MCC: variants seen among roughly 807,000 people sequenced by gnomAD.
MCC encodes the protein MCC regulator of Wnt signaling pathway.
In MCC, 90 loss-of-function variants were observed where a neutral mutation model predicts 116.2. That is an observed-to-expected ratio of 0.77 (90% CI 0.65 to 0.92). The LOEUF (loss-of-function observed/expected upper bound fraction) is 0.92, where lower values mean the gene tolerates loss of function less well. MCC is among the 40% of genes least tolerant of loss of function. The probability of loss-of-function intolerance (pLI) is 0.00; values close to 1 mark genes in which losing one functional copy is unlikely to be tolerated. For synonymous variants in MCC, 578 were observed against 510.5 expected, an observed-to-expected ratio of 1.13 and a Z score of -1.78; for missense variants, 1,516 against 1,312.2, an observed-to-expected ratio of 1.16 and a Z score of -2.40.
chr5:113,327,586 A>ATATATATATATATATATATAT (rs1561525256), intron 3 of MCC, among the ~76,000 whole-genome samples: 13 of 113,018 alleles, frequency 1.2e-4, no homozygotes, highest in Non-Finnish European at 1.7e-4. Context: ...ATATATATAT[A>ATATATATATATATATATATAT]AAAATCTCAT....
At chr5:113,125,642 T>A (rs1289101985) in intron 5 of MCC, among the ~76,000 whole-genome samples, 1 of 152,194 alleles carries the variant, frequency 6.6e-6, no homozygotes, top group Non-Finnish European at 1.5e-5. Context: ...GCAGTATGCG[T>A]GGCAGACTGC....
intron 17 of MCC, among the ~76,000 whole-genome samples, chr5:113,040,850 A>G (rs1246574018): frequency 6.6e-6 from 1 of 152,230 alleles, no homozygotes; most frequent in African/African-American, 2.4e-5. Flanking sequence ...GACAGAACAA[A>G]TGAAGTCTCT....
chr5:113,155,989 C>T (rs1009241657), intron 3 of MCC, among the ~76,000 whole-genome samples: 1 of 152,142 alleles, frequency 6.6e-6, no homozygotes, highest in Non-Finnish European at 1.5e-5. Context: ...AGGGCACATC[C>T]TTTTTCCTTT....
intron 1 of MCC, among the ~76,000 whole-genome samples, chr5:113,482,358 T>C (rs918286446): frequency 6.6e-6 from 1 of 152,224 alleles, no homozygotes; most frequent in Non-Finnish European, 1.5e-5. Context: ...AGTAGCTGCA[T>C]CATTTCACAT....
chr5:113,455,511 A>G (rs1159510440), intron 1 of MCC, among the ~76,000 whole-genome samples: 1 of 152,196 alleles, frequency 6.6e-6, no homozygotes, highest in East Asian at 1.9e-4. Flanking sequence ...TTTGCAAGAG[A>G]TGGACGCCAT....
chr5:113,443,381 T>C (rs1188339714), intron 1 of MCC, among the ~76,000 whole-genome samples: 1 of 152,230 alleles, frequency 6.6e-6, no homozygotes. Flanking sequence ...TCTTATCAGC[T>C]TAAGGAGATT....
In MCC at chr5:113,041,693, G is replaced by T. The variant is rs1454128578; in HGVS notation, c.2756+1837C>A. On this transcript the variant is annotated intron_variant, in intron 17 of 18. Coordinates refer to ENST00000408903, the MANE Select transcript of MCC (RefSeq NM_001085377.2). Reference sequence around the variant, plus strand: ...GGGTGGCAGACTGTAATAAGTAGAAGCAGGACTCTCAAATGGGATGGCCGG... The same window carrying T: ...GGGTGGCAGACTGTAATAAGTAGAATCAGGACTCTCAAATGGGATGGCCGG... Among the ~76,000 whole-genome samples the T allele has an allele frequency of 3.3e-5, 5 of 152,276 alleles. 1 individual carries two copies. The South Asian group carries it at 1.0e-3, about 32-fold the overall frequency.
intron 11 of MCC, among the ~76,000 whole-genome samples, chr5:113,076,563 CT>C (rs2150238176): frequency 6.6e-6 from 1 of 152,282 alleles, no homozygotes; most frequent in African/African-American, 2.4e-5. Context: ...CCAAACTAAG[CT>C]TCATAAGTGA....
intron 6 of MCC, among the ~76,000 whole-genome samples, chr5:113,121,344 G>A (rs1757725015): frequency 6.6e-6 from 1 of 152,106 alleles, no homozygotes; most frequent in Non-Finnish European, 1.5e-5. Flanking sequence ...TTTGGGTAAA[G>A]GCCAAACATG....
intron 1 of MCC, among the ~76,000 whole-genome samples, chr5:113,419,930 G>A (rs958598822): frequency 6.7e-6 from 1 of 149,830 alleles, no homozygotes; most frequent in Middle Eastern, 3.2e-3. Flanking sequence ...TAAATGACGA[G>A]TTAATGGGTG....
At chr5:113,202,279 G>A (rs1762716548) in intron 3 of MCC, among the ~76,000 whole-genome samples, 1 of 152,080 alleles carries the variant, frequency 6.6e-6, no homozygotes, top group South Asian at 2.1e-4. Context: ...GGTTGTGCTG[G>A]AGTGCACACG....
chr5:113,417,051 C>T (rs2150405425), intron 1 of MCC, among the ~76,000 whole-genome samples: 1 of 147,212 alleles, frequency 6.8e-6, no homozygotes, highest in Non-Finnish European at 1.5e-5. Context: ...CTCACTGCAA[C>T]CTATTTCTCC....
chr5:113,167,619 C>G (rs186540530), intron 3 of MCC, among the ~76,000 whole-genome samples: 1 of 152,046 alleles, frequency 6.6e-6, no homozygotes, highest in African/African-American at 2.4e-5. Flanking sequence ...CCACCACCTT[C>G]CCCTTTCAAT....
intron 16 of MCC, among the ~76,000 whole-genome samples, chr5:113,046,710 A>AAAAAAAAAGAG: frequency 2.0e-5 from 2 of 102,462 alleles, no homozygotes; most frequent in African/African-American, 8.0e-5. Flanking sequence ...AAAAAAAAAA[A>AAAAAAAAAGAG]AGAGAGAGAT....
At chr5:113,394,326 G>C (rs1769473661) in intron 1 of MCC, among the ~76,000 whole-genome samples, 2 of 151,914 alleles carry the variant, frequency 1.3e-5, no homozygotes, top group South Asian at 4.2e-4. Flanking sequence ...TTACTGCATT[G>C]GTCTCCTAAT....
intron 1 of MCC, chr5:113,433,756 G>A: frequency 6.2e-7 from 1 of 1,613,582 alleles, no homozygotes; most frequent in Non-Finnish European, 8.5e-7. Context: ...CGCGTCTCTG[G>A]AGGCTGTTGG....
intron 17 of MCC, among the ~76,000 whole-genome samples, chr5:113,037,433 C>A (rs1751397073): frequency 6.6e-6 from 1 of 152,162 alleles, no homozygotes; most frequent in African/African-American, 2.4e-5. Flanking sequence ...TGGCTCATGC[C>A]CGTAATCCCA....
intron 1 of MCC, among the ~76,000 whole-genome samples, chr5:113,441,317 C>G (rs1047742957): frequency 6.6e-5 from 10 of 151,862 alleles, no homozygotes; most frequent in African/African-American, 2.4e-4. Context: ...GTTGCCTGAA[C>G]GACAGAATGA....
At chr5:113,063,559 T>C (rs957057468) in intron 14 of MCC, among the ~76,000 whole-genome samples, 7 of 152,200 alleles carry the variant, frequency 4.6e-5, no homozygotes, top group African/African-American at 1.2e-4. Flanking sequence ...AGGAGAGTGA[T>C]GTCTGGAACT....
Sources: allele counts gnomAD v4.1 joint callset (sites outside exome capture counted in the v4.1 genomes callset), GRCh38; gene constraint gnomAD v4.1.1; transcripts MANE v1.5; gene names NCBI Gene and HGNC (gene_info 2026-07-23, HGNC 2026-07-21).